The following KRT15 variants were observed in gnomAD, a reference collection of about 807,000 sequenced individuals.
The protein encoded by KRT15 is keratin, type I cytoskeletal 15.
A neutral mutation model predicts 46.6 loss-of-function variants in KRT15; 45 were observed. That is an observed-to-expected ratio of 0.97 (90% CI 0.76 to 1.24). KRT15 has a LOEUF of 1.24. Among genes scored for constraint, KRT15 ranks in the 50% most tolerant of loss-of-function variants. The pLI is 0.00. For synonymous variants in KRT15, 221 were observed against 233.8 expected (o/e 0.95, Z 0.50); for missense variants, 592 against 588.9 (o/e 1.01, Z -0.05).
Position 41,518,817 on chromosome 17 carries a change from G to A in KRT15, c.11C>T (p.Thr4Ile). 3 of 1,536,296 alleles carry A rather than the reference G, an allele frequency of 2.0e-6. No individual in the cohort carries two copies. Among genetic ancestry groups the A allele is most frequent in the Non-Finnish European group, 8.7e-7 (1 of 1,146,954 alleles). The stretch of plus-strand genomic sequence containing the variant: ...GGTGGAGGAAGAAGTTTGCAGAAAT[G>A]TGGTGGTCATGGCCAGGTAGCTGGA... MTT[T>I]FLQTSSSTFG... is the part of the protein sequence containing the mutation. Residue 4 changes from threonine to isoleucine, a missense_variant, in exon 1 of 8, where the codon ACA becomes ATA. Physicochemically the swap from Thr to Ile is moderately conservative, Grantham distance 89. Coordinates refer to ENST00000254043, the MANE Select transcript of KRT15 (RefSeq NM_002275.4).
chr17:41,516,989 GA>G, intron 2 of KRT15, 25 bp from the exon 3 acceptor site: 1 of 1,614,250 alleles, frequency 6.2e-7, no homozygotes, highest in Non-Finnish European at 8.5e-7. Flanking sequence ...GCCAAAGAAG[GA>G]AGTGGGAGGG....
rs1012545231 is a variant in KRT15, at chr17:41,518,766, C to A, written c.62G>T (p.Gly21Val). The A allele has an allele frequency of 1.9e-6, 3 of 1,584,860 alleles. No individual in the cohort carries two copies. The highest frequency in any genetic ancestry group is 1.2e-5 in the South Asian group (1 of 85,904). The change falls in exon 1 of 8, where the codon GGT (glycine) becomes GTT (valine). Residue 21 changes from glycine (G) to valine (V), a missense_variant. Gly to Val is a moderately radical substitution (Grantham distance 109). Coordinates refer to ENST00000254043, the MANE Select transcript of KRT15 (RefSeq NM_002275.4). ...STFGGGSTRG[G>V]SLLAGGGGFG... ...GCCACCTCCCCCAGCCAGGAGGGAA[C>A]CCCCTCGGGTTGAGCCACCCCCAAA... is the stretch of plus-strand genomic sequence containing the variant.
rs1471958425 is a variant in KRT15, at chr17:41,513,824, C to G, written c.*199G>C. 1.7e-6 allele frequency: 1 copy of G among 578,716 alleles called. No homozygotes were observed. Among genetic ancestry groups the G allele is most frequent in the Non-Finnish European group, 3.1e-6 (1 of 320,504 alleles). 35.8% of individuals were successfully genotyped at this position (578,716 alleles called of 1,614,324 possible). On this transcript the variant is annotated 3_prime_UTR_variant, in exon 8 of 8. Transcript: ENST00000254043. The stretch of plus-strand genomic sequence containing the variant: ...AGCTTGTTACACAATACAGCTGCAT[C>G]TCCTTGCTCCAAAGAAGGTGGGGAG...
intron 5 of KRT15, 53 bp downstream of exon 5, chr17:41,515,832 G>A: frequency 1.2e-6 from 2 of 1,613,188 alleles, no homozygotes. Context: ...TAGCCAGGAA[G>A]AGTGGGAGCT....
At position 41,514,219 on chromosome 17, in the gene KRT15, C is replaced by G. The variant is rs112907460; in HGVS notation, c.1274-99G>C. ...GGCTCTGGGAAAACTAGACAGCACC[C>G]CTGAGAATGGCCACTGGCCAATCCC... On this transcript the variant is annotated intron_variant, in intron 7 of 7. Transcript: ENST00000254043. The G allele has an allele frequency of 4.5e-3, 3,980 of 887,016 alleles. 76 individuals are homozygous for G. In the African/African-American group the frequency reaches 0.049, roughly 11 times the overall value. 54.9% of individuals were successfully genotyped at this position (887,016 alleles called of 1,614,324 possible).
At position 41,516,274 on chromosome 17, in the gene KRT15, T is replaced by A; in HGVS notation, c.739-9A>T. ...CTGAACTCCTTCATCTCCTGCAGGA[T>A]GGGAGGGACCCACTTAGAGACGGAG... On this transcript the variant is annotated splice_polypyrimidine_tract_variant and intron_variant, in intron 3 of 7. Transcript: ENST00000254043. The A allele has an allele frequency of 1.2e-6, 2 of 1,610,690 alleles. No homozygotes were observed. The highest frequency in any genetic ancestry group is 1.7e-6 in the Non-Finnish European group (2 of 1,178,280).
At chr17:41,514,299 G>T in intron 7 of KRT15, 179 bp from the exon 8 acceptor site, 1 of 615,510 alleles carries the variant, frequency 1.6e-6, no homozygotes, top group Non-Finnish European at 2.9e-6. Flanking sequence ...ATGGGCAGTG[G>T]CAATGGCAGG....
rs771455618 is a variant in KRT15 at position 41,518,776 on chromosome 17, T to C, written c.52A>G (p.Thr18Ala). 6.8e-7 allele frequency: 1 copy of C among 1,466,986 alleles called. No individual in the cohort carries two copies. Among genetic ancestry groups the C allele is most frequent in the South Asian group, 1.2e-5 (1 of 81,168 alleles). The allele number at this position is 1,466,986 out of a possible 1,614,324, so 90.9% of individuals were successfully genotyped here. A position where few individuals can be genotyped will look rare whatever the true frequency, so the allele number is the denominator to read the frequency against. ...CCAGCCAGGAGGGAACCCCCTCGGG[T>C]TGAGCCACCCCCAAAGGTGGAGGAA... ...TSSSTFGGGS[T>A]RGGSLLAGGG... Residue 18 changes from threonine to alanine, a missense_variant, in exon 1 of 8, where the codon ACC (threonine) becomes GCC (alanine). Transcript: ENST00000254043.
intron 3 of KRT15, 64 bp downstream of exon 3, chr17:41,516,744 G>GT (rs1449741636): frequency 6.3e-7 from 1 of 1,586,144 alleles, no homozygotes; most frequent in East Asian, 2.2e-5. Context: ...GGCAATTTAA[G>GT]TGAGTTTTGG....
In KRT15 at chr17:41,513,984, G is replaced by A; in HGVS notation, c.*39C>T. On this transcript the variant is annotated 3_prime_UTR_variant, in exon 8 of 8. Transcript: ENST00000254043. ...CAGTCCTCCACTTGGCCTGATGAGA[G>A]TGGGGAGTGGCAAGGGACGTTTCTC... 3 of 1,453,442 alleles carry A rather than the reference G, an allele frequency of 2.1e-6. No homozygotes were observed. The highest frequency in any genetic ancestry group is 1.7e-4 in the Middle Eastern group (1 of 5,744). The allele number at this position is 1,453,442 out of a possible 1,614,324, so 90.0% of individuals were successfully genotyped here. A position where few individuals can be genotyped will look rare whatever the true frequency, so the allele number is the denominator to read the frequency against.
intron 1 of KRT15, among the ~76,000 whole-genome samples, 182 bp downstream of exon 1, chr17:41,518,145 GAGA>G (rs1567719493): frequency 2.0e-5 from 3 of 152,054 alleles, no homozygotes; most frequent in African/African-American, 7.2e-5. Flanking sequence ...CCACCAAGTT[GAGA>G]AGATGTGCAC....
rs79921841 is a variant in KRT15 at position 41,514,419 on chromosome 17, C to T, written c.1273+230G>A. The T allele has an allele frequency of 4.5e-3, 2,718 of 600,438 alleles. 60 individuals carry two copies. The East Asian group carries it at 0.054, about 12-fold the overall frequency. 37.2% of individuals were successfully genotyped at this position (600,438 alleles called of 1,614,324 possible). A position where few individuals can be genotyped will look rare whatever the true frequency, so the allele number is the denominator to read the frequency against. On this transcript the variant is annotated intron_variant, in intron 7 of 7. Coordinates refer to ENST00000254043, the MANE Select transcript of KRT15 (RefSeq NM_002275.4). ...ATGAAGATGGGGCCTGGGGGAGAGACATGCCCTGAATGAAGCCTACTCAAC... is the reference window on the plus strand; with the variant it reads ...ATGAAGATGGGGCCTGGGGGAGAGATATGCCCTGAATGAAGCCTACTCAAC...
rs367603041 is a variant in KRT15, at chr17:41,515,552, G to A, written c.1167C>T (p.Tyr389=). 3.1e-6 allele frequency: 5 copies of A among 1,614,028 alleles called. No homozygotes were observed. The highest frequency in any genetic ancestry group is 1.7e-5 in the Admixed American group (1 of 60,008). The change falls in exon 6 of 8, where the codon TAC becomes TAT. Residue 389 remains tyrosine (Y), a synonymous_variant. Transcript: ENST00000254043. ...GTGTCTTTATGTCAAGCAGCATCTT[G>A]TACTCCTGGTTCTGAGCCTCCATCT... ...RCEMEAQNQE[Y]KMLLDIKTRL...
In KRT15 at chr17:41,518,419, T is replaced by C; in HGVS notation, c.409A>G (p.Ile137Val). The change falls in exon 1 of 8, where the codon ATC (isoleucine) becomes GTC (valine). Residue 137 changes from isoleucine (I) to valine (V), a missense_variant. Ile to Val is a conservative substitution (Grantham distance 29, BLOSUM62 3). Transcript: ENST00000254043. ...EEANADLEVKIHDWYQKQTPT... is the reference protein window; with the variant it reads ...EEANADLEVKVHDWYQKQTPT... ...GTCTGCTTCTGGTACCAGTCATGGA[T>C]CTTCACCTCCAGGTCAGCATTGGCC... 8 of 1,613,968 alleles carry C rather than the reference T, an allele frequency of 5.0e-6. No homozygotes were observed. Among genetic ancestry groups the C allele is most frequent in the Non-Finnish European group, 6.8e-6 (8 of 1,179,976 alleles).
chr17:41,515,505 G>T lies in KRT15; in HGVS notation c.1214C>A (p.Thr405Asn). 6.2e-7 allele frequency: 1 copy of T among 1,613,826 alleles called. No homozygotes were observed. Among genetic ancestry groups the T allele is most frequent in the Non-Finnish European group, 8.5e-7 (1 of 1,180,040 alleles). ...CTGGCCCTCGAGCAGGCTGCGGTAA[G>T]TAGCGATCTCCTGCTCCAGCCGTGT... ...IKTRLEQEIA[T>N]YRSLLEGQDA... Residue 405 changes from threonine to asparagine, a missense_variant, in exon 6 of 8, where the codon ACT (threonine) becomes AAT (asparagine). Transcript: ENST00000254043.
chr17:41,516,747 A>C, intron 3 of KRT15, 61 bp downstream of exon 3: 1 of 1,588,922 alleles, frequency 6.3e-7, no homozygotes, highest in Non-Finnish European at 8.6e-7. Context: ...AATTTAAGTG[A>C]GTTTTGGGAA....
intron 7 of KRT15, 144 bp downstream of exon 7, chr17:41,514,505 C>T (rs1905264720): frequency 1.4e-6 from 1 of 728,968 alleles, no homozygotes; most frequent in Admixed American, 2.7e-5. Flanking sequence ...GAAGTTCCCA[C>T]TGGGGAAGAG....
At position 41,516,877 on chromosome 17, in the gene KRT15, C is replaced by T. The variant is rs150440688; in HGVS notation, c.669G>A (p.Arg223=). 5.5e-4 allele frequency: 894 copies of T among 1,614,120 alleles called. 3 individuals are homozygous for T. The highest frequency in any genetic ancestry group is 1.1e-4 in the Non-Finnish European group (128 of 1,180,048). The change falls in exon 3 of 8, where the codon AGG becomes AGA. Residue 223 remains arginine (R), a synonymous_variant. Coordinates refer to ENST00000254043, the MANE Select transcript of KRT15 (RefSeq NM_002275.4). The part of the protein sequence containing the change: ...RRVLDELTLA[R]TDLEMQIEGL... ...CCTCGATCTGCATCTCCAGGTCAGT[C>T]CTGGCCAGGGTCAGCTCATCCAGGA...
In KRT15 at chr17:41,515,878, G is replaced by A; in HGVS notation, c.1026+7C>T. 6.2e-7 allele frequency: 1 copy of A among 1,613,924 alleles called. No individual in the cohort carries two copies. Among genetic ancestry groups the A allele is most frequent in the Non-Finnish European group, 8.5e-7 (1 of 1,179,896 alleles). On this transcript the variant is annotated splice_region_variant and intron_variant, in intron 5 of 7. Transcript: ENST00000254043. ...GAGAGGCTGGGATGGGGCGCGAGTG[G>A]CCGTACCATGCTGAGCTGGGACTGC...
Sources: allele counts gnomAD v4.1 joint callset (sites outside exome capture counted in the v4.1 genomes callset), GRCh38; gene constraint gnomAD v4.1.1; transcripts MANE v1.5; gene names NCBI Gene and HGNC (gene_info 2026-07-23, HGNC 2026-07-21).